Variants in ZNF362 observed in about 807,000 individuals in gnomAD.
ZNF362 encodes the protein rotund homolog.
ZNF362 carries 11 observed loss-of-function variants against 42.9 expected under a neutral mutation model. The observed-to-expected ratio is 0.26, with a 90% CI of 0.16 to 0.42. ZNF362 has a LOEUF of 0.42. Ranked by LOEUF, ZNF362 falls within the 20% of genes least tolerant of loss-of-function variation. The probability of loss-of-function intolerance (pLI) is 1.00; values close to 1 mark genes in which losing one functional copy is unlikely to be tolerated. For synonymous variants in ZNF362, 255 were observed against 257.3 expected (o/e 0.99, Z 0.09); for missense variants, 362 against 576.2 (o/e 0.63, Z 3.81).
the ZNF362 span, among the ~76,000 whole-genome samples, chr1:33,220,464 A>AGGAGTCAG: frequency 6.6e-5 from 10 of 152,252 alleles, no homozygotes; most frequent in Admixed American, 4.6e-4. Context: ...GGCCACACTG[A>AGGAGTCAG]GGAGTCAGGG....
the ZNF362 span, among the ~76,000 whole-genome samples, chr1:33,214,968 A>G: frequency 1.3e-5 from 2 of 152,370 alleles, no homozygotes; most frequent in East Asian, 3.9e-4. Context: ...TAGAACTACC[A>G]TATGATCTAG....
At chr1:33,260,006 A>G (rs552930738) in intron 1 of ZNF362, among the ~76,000 whole-genome samples, 1 of 152,276 alleles carries the variant, frequency 6.6e-6, no homozygotes, top group Admixed American at 6.5e-5. Context: ...TGATATCAAG[A>G]CAGTGTATGA....
chr1:33,268,313 C>T (rs1645878501), intron 1 of ZNF362, among the ~76,000 whole-genome samples: 1 of 152,200 alleles, frequency 6.6e-6, no homozygotes, highest in Admixed American at 6.5e-5. Flanking sequence ...GGCTTCCTTC[C>T]ATCCAGGCCA....
At chr1:33,293,590 C>A (rs988242162) in intron 6 of ZNF362, among the ~76,000 whole-genome samples, 3 of 152,136 alleles carry the variant, frequency 2.0e-5, no homozygotes, top group Non-Finnish European at 4.4e-5. Flanking sequence ...GGAGTGGACA[C>A]CCTTTTGATA....
rs1645985495 is a variant in ZNF362, at chr1:33,280,515, G to T, written c.683+58G>T. 2.0e-6 allele frequency: 3 copies of T among 1,484,710 alleles called. No individual in the cohort carries two copies. In the East Asian group the frequency reaches 7.4e-5, roughly 37 times the overall value. 92.0% of individuals were successfully genotyped at this position (1,484,710 alleles called of 1,614,324 possible). ...GCTTGGGGCTGGGGCTTGAGCCAGG[G>T]CTGCTCCAGGAGCCCAGCAGCGGGG... is the stretch of plus-strand genomic sequence containing the variant. On this transcript the variant is annotated intron_variant, in intron 5 of 8. Coordinates refer to ENST00000539719, the MANE Select transcript of ZNF362 (RefSeq NM_152493.3). The surrounding 1 kb of genome is among the most constrained non-coding windows in gnomAD (Gnocchi z 5.6).
the ZNF362 span, among the ~76,000 whole-genome samples, chr1:33,210,896 C>CT: frequency 6.6e-6 from 1 of 151,086 alleles, no homozygotes; most frequent in Admixed American, 6.6e-5. Flanking sequence ...CAGTCTGTGT[C>CT]TTTTAATTGG....
the ZNF362 span, among the ~76,000 whole-genome samples, chr1:33,152,714 G>T: frequency 6.6e-6 from 1 of 152,206 alleles, no homozygotes; most frequent in Non-Finnish European, 1.5e-5. Context: ...GCTACCCTGG[G>T]AGAGAAATGC....
chr1:33,224,398 G>A, the ZNF362 span, among the ~76,000 whole-genome samples: 1 of 152,204 alleles, frequency 6.6e-6, no homozygotes, highest in Non-Finnish European at 1.5e-5. Flanking sequence ...TAAGTAAGGA[G>A]AGTGTAAAGG....
chr1:33,169,818 A>C, the ZNF362 span, among the ~76,000 whole-genome samples: 6 of 152,230 alleles, frequency 3.9e-5, no homozygotes, highest in African/African-American at 1.4e-4. Flanking sequence ...CAGACACAGA[A>C]CTGCCCGTTC....
the ZNF362 span, chr1:33,159,849 C>A: frequency 6.2e-7 from 1 of 1,613,414 alleles, no homozygotes; most frequent in African/African-American, 1.3e-5. This position sits in a 1 kb window ranked among gnomAD's most constrained non-coding sequence, Gnocchi z 4.2. Flanking sequence ...TGTCCGCCTC[C>A]AGCTCCTCTA....
intron 8 of ZNF362, among the ~76,000 whole-genome samples, chr1:33,296,927 CCA>C (rs1350739263): frequency 6.6e-6 from 1 of 151,606 alleles, no homozygotes; most frequent in African/African-American, 2.4e-5. Context: ...GCTTCAACCT[CCA>C]GAGTAGCTGG....
At chr1:33,284,346 T>C (rs1022103027) in intron 6 of ZNF362, among the ~76,000 whole-genome samples, 4 of 152,228 alleles carry the variant, frequency 2.6e-5, no homozygotes, top group Non-Finnish European at 4.4e-5. Context: ...ACTGTGACAT[T>C]TCTGGCACAG....
the ZNF362 span, chr1:33,147,838 C>A: frequency 8.2e-7 from 1 of 1,224,574 alleles, no homozygotes; most frequent in Admixed American, 2.5e-5. The surrounding 1 kb of genome is among the most constrained non-coding windows in gnomAD (Gnocchi z 8.1). Context: ...GGCCTCTGAC[C>A]TGCTGTGTGA....
the ZNF362 span, chr1:33,158,449 G>A: frequency 1.2e-5 from 13 of 1,100,618 alleles, no homozygotes; most frequent in East Asian, 2.6e-4. Context: ...CCACCTTCAG[G>A]GCAGCTGGCA....
the ZNF362 span, among the ~76,000 whole-genome samples, chr1:33,206,602 C>A: frequency 0.024 from 3,645 of 151,676 alleles, 119 homozygotes; most frequent in African/African-American, 0.083. Context: ...ACAGTGAGAC[C>A]CCATCTGTAA....
At chr1:33,292,100 C>G (rs1646082714) in intron 6 of ZNF362, among the ~76,000 whole-genome samples, 1 of 152,142 alleles carries the variant, frequency 6.6e-6, no homozygotes, top group African/African-American at 2.4e-5. Flanking sequence ...ACTTCCAACA[C>G]TATGTTGAAT....
At chr1:33,192,332 C>T in the ZNF362 span, among the ~76,000 whole-genome samples, 9 of 152,144 alleles carry the variant, frequency 5.9e-5, no homozygotes, top group African/African-American at 1.9e-4. Context: ...TAGGCCTCTA[C>T]AATATATTAA....
upstream of ZNF362, among the ~76,000 whole-genome samples, chr1:33,255,531 G>A (rs1439265898): frequency 1.3e-5 from 2 of 151,872 alleles, no homozygotes; most frequent in East Asian, 3.9e-4. Flanking sequence ...GACACAGCTC[G>A]GGAGGCCGAA....
chr1:33,147,589 G>A, the ZNF362 span: 45 of 1,614,128 alleles, frequency 2.8e-5, no homozygotes, highest in South Asian at 4.1e-4. This position sits in a 1 kb window ranked among gnomAD's most constrained non-coding sequence, Gnocchi z 8.1. Context: ...ACCCAGCACC[G>A]ACACCTCCAC....
Sources: allele counts gnomAD v4.1 joint callset (sites outside exome capture counted in the v4.1 genomes callset), GRCh38; gene constraint gnomAD v4.1.1; non-coding constraint Gnocchi (gnomAD v3.1); transcripts MANE v1.5; gene names NCBI Gene and HGNC (gene_info 2026-07-23, HGNC 2026-07-21).